Variants in RIMS1 observed in about 807,000 individuals in gnomAD.
RIMS1 encodes the protein regulating synaptic membrane exocytosis 1.
In RIMS1, 83 loss-of-function variants were observed where a neutral mutation model predicts 214.1. The observed-to-expected ratio is 0.39, with a 90% CI of 0.32 to 0.47. RIMS1 has a LOEUF of 0.47. Among genes scored for constraint, RIMS1 ranks in the 20% least tolerant of loss-of-function variants. RIMS1 has a pLI of 0.99. For synonymous variants in RIMS1, 793 were observed against 786.8 expected (o/e 1.01, Z -0.13); for missense variants, 2,050 against 2,161.8 (o/e 0.95, Z 1.03).
intron 4 of RIMS1, among the ~76,000 whole-genome samples, chr6:72,171,310 A>G (rs9446588): frequency 0.019 from 2,780 of 149,584 alleles, 86 homozygotes; most frequent in African/African-American, 0.065. Flanking sequence ...TATACCTAAT[A>G]CATATACATA....
At chr6:72,212,160 A>T (rs2053930468) in intron 6 of RIMS1, among the ~76,000 whole-genome samples, 1 of 152,092 alleles carries the variant, frequency 6.6e-6, no homozygotes, top group Non-Finnish European at 1.5e-5. Flanking sequence ...TGAAATTTTT[A>T]GTTTGTTTGT....
chr6:72,279,453 A>G (rs2088829205), intron 23 of RIMS1, among the ~76,000 whole-genome samples: 1 of 152,020 alleles, frequency 6.6e-6, no homozygotes, highest in Non-Finnish European at 1.5e-5. Context: ...TGAACTAGAA[A>G]GCATAAGGCC....
chr6:72,258,280 A>C lies in RIMS1; in HGVS notation c.2926A>C (p.Arg976=), dbSNP rs780654780. The C allele has an allele frequency of 6.2e-7, 1 of 1,612,912 alleles. No homozygotes were observed. The highest frequency in any genetic ancestry group is 8.5e-7 in the Non-Finnish European group (1 of 1,179,276). The change falls in exon 17 of 34, where the codon AGG becomes CGG. Residue 976 remains arginine (R), a splice_region_variant and synonymous_variant. Coordinates refer to ENST00000521978, the MANE Select transcript of RIMS1 (RefSeq NM_014989.7). ...RSRLPNVPLQ[R]SLDEIHPTRR... is the part of the protein sequence containing the mutation. Reference sequence around the variant, plus strand: ...ACGTTTACCAAATGTGCCATTACAGAGGTAGGCTTTGAAATGGGCTCAGTG... The same window carrying C: ...ACGTTTACCAAATGTGCCATTACAGCGGTAGGCTTTGAAATGGGCTCAGTG...
At chr6:71,941,946 G>T (rs1786282813) in intron 1 of RIMS1, among the ~76,000 whole-genome samples, 1 of 152,148 alleles carries the variant, frequency 6.6e-6, no homozygotes. Context: ...TGTCTTTTCT[G>T]CCAGTTGACA....
At chr6:71,930,199 G>A (rs1423937651) in intron 1 of RIMS1, among the ~76,000 whole-genome samples, 1 of 152,022 alleles carries the variant, frequency 6.6e-6, no homozygotes, top group Non-Finnish European at 1.5e-5. Flanking sequence ...TTTGCCAACT[G>A]AGAAAAGGAC....
chr6:71,904,697 A>G (rs960853391), intron 1 of RIMS1, among the ~76,000 whole-genome samples: 2 of 152,218 alleles, frequency 1.3e-5, no homozygotes, highest in African/African-American at 4.8e-5. Flanking sequence ...GTTAAATATC[A>G]AGTCAACTAT....
intron 4 of RIMS1, among the ~76,000 whole-genome samples, chr6:72,117,768 G>A (rs55851865): frequency 0.21 from 32,466 of 151,760 alleles, 4,157 homozygotes; most frequent in Non-Finnish European, 0.27. Flanking sequence ...TCTGGGATAC[G>A]GCAAAAGCAA....
intron 2 of RIMS1, among the ~76,000 whole-genome samples, chr6:71,980,794 A>G (rs567251705): frequency 1.3e-5 from 2 of 152,226 alleles, no homozygotes; most frequent in South Asian, 4.1e-4. Context: ...TGAGAGAGAC[A>G]TTTGAAAGAA....
intron 2 of RIMS1, among the ~76,000 whole-genome samples, chr6:72,004,974 G>A (rs1806877199): frequency 1.3e-5 from 2 of 151,648 alleles, no homozygotes; most frequent in Non-Finnish European, 2.9e-5. Flanking sequence ...GTAATGCCTA[G>A]GTTTTCTTCT....
At chr6:72,105,010 A>G (rs939878822) in intron 4 of RIMS1, among the ~76,000 whole-genome samples, 2 of 152,120 alleles carry the variant, frequency 1.3e-5, no homozygotes, top group African/African-American at 4.8e-5. Flanking sequence ...AGCTCATGGC[A>G]ACCTAAACCT....
intron 33 of RIMS1, 21 bp downstream of exon 33, chr6:72,399,115 C>G: frequency 1.3e-6 from 2 of 1,554,822 alleles, no homozygotes; most frequent in South Asian, 1.3e-5. Flanking sequence ...GTTTGTTTGG[C>G]TTTTTACATT....
chr6:72,338,810 G>A (rs1474323649), intron 29 of RIMS1, among the ~76,000 whole-genome samples: 1 of 150,052 alleles, frequency 6.7e-6, no homozygotes. Flanking sequence ...TTAAACCCAG[G>A]CTACCTGGTG....
chr6:71,969,149 G>A (rs1795195429), intron 2 of RIMS1, 86 bp downstream of exon 2: 1 of 1,249,176 alleles, frequency 8.0e-7, no homozygotes, highest in South Asian at 1.2e-5. Flanking sequence ...GCATGTGAGA[G>A]TAGATACTCT....
In RIMS1 at chr6:72,361,357, C is replaced by T. The variant is rs551079550; in HGVS notation, c.4366+27522C>T. On this transcript the variant is annotated intron_variant, in intron 29 of 33. Coordinates refer to ENST00000521978, the MANE Select transcript of RIMS1 (RefSeq NM_014989.7). ...CTGACTTCAAGTGATCCACCCGCCT[C>T]GGCCTCCCAAAGTGCTGGGATTACA... Among the ~76,000 whole-genome samples the T allele has an allele frequency of 2.6e-5, 4 of 151,930 alleles. No homozygotes were observed. The South Asian group carries it at 8.3e-4, about 32-fold the overall frequency.
intron 2 of RIMS1, among the ~76,000 whole-genome samples, chr6:72,095,465 ATCACATATAT>A (rs1157447142): frequency 6.6e-6 from 1 of 152,246 alleles, no homozygotes; most frequent in African/African-American, 2.4e-5. Context: ...TAAATGAAAT[ATCACATATAT>A]TCCTTTATGA....
intron 1 of RIMS1, among the ~76,000 whole-genome samples, chr6:71,934,710 T>C (rs1279556768): frequency 2.0e-5 from 3 of 152,196 alleles, no homozygotes; most frequent in Admixed American, 6.5e-5. Context: ...AAAAGGTTAA[T>C]GCAGACTTTG....
intron 1 of RIMS1, among the ~76,000 whole-genome samples, chr6:71,890,385 T>C (rs1476542627): frequency 2.0e-5 from 1 of 49,306 alleles, no homozygotes; most frequent in African/African-American, 1.0e-4. Context: ...TTAATCTTAA[T>C]AGTGTTTTGG....
chr6:72,333,608 C>G lies in RIMS1; in HGVS notation c.4139C>G (p.Thr1380Ser). ...TTACTTTGTAAATATAGTTCATTTA[C>G]CCCCAAAATGCAAGGCAGACGGATG... ...ERPRGRISSF[T>S]PKMQGRRMGT... is the part of the protein sequence containing the mutation. The change falls in exon 29 of 34, where the codon ACC becomes AGC. Residue 1380 changes from threonine to serine, a missense_variant. Thr to Ser is a moderately conservative substitution (Grantham distance 58). Around this residue, in one of 6 missense-constraint regions of RIMS1, gnomAD observed 889 missense variants for 885.5 expected, o/e 1.00. Transcript: ENST00000521978. The G allele has an allele frequency of 1.3e-6, 2 of 1,584,550 alleles. No individual in the cohort carries two copies. The highest frequency in any genetic ancestry group is 2.3e-5 in the South Asian group (2 of 86,690).
At chr6:71,961,757 A>T (rs896155436) in intron 1 of RIMS1, among the ~76,000 whole-genome samples, 18 of 151,612 alleles carry the variant, frequency 1.2e-4, no homozygotes, top group African/African-American at 2.2e-4. Context: ...TTGTTTTGTT[A>T]TGTTATCATA....
Sources: gnomAD v4.1 joint callset for allele counts (sites outside exome capture counted in the v4.1 genomes callset) on GRCh38, gnomAD v4.1.1 for gene constraint, gnomAD v4.1.1 regional missense constraint, MANE v1.5 for transcripts, NCBI Gene and HGNC (gene_info 2026-07-23, HGNC 2026-07-21) for gene names.